Variants in ANKFN1 observed in about 807,000 individuals in gnomAD.
The protein encoded by ANKFN1 is ankyrin repeat and fibronectin type III domain containing 1, also known as ankyrin repeat and fibronectin type-III domain-containing protein 1.
ANKFN1 carries 74 observed loss-of-function variants against 108.7 expected under a neutral mutation model. The ratio of observed to expected loss-of-function variants is 0.68; its 90% confidence interval spans 0.56 to 0.83. The LOEUF (loss-of-function observed/expected upper bound fraction) is 0.83, where lower values mean the gene tolerates loss of function less well. Among genes scored for constraint, ANKFN1 ranks in the 40% least tolerant of loss-of-function variants. ANKFN1 has a pLI of 0.00. For synonymous variants in ANKFN1, 547 were observed against 516.2 expected (o/e 1.06, Z -0.81); for missense variants, 1,505 against 1,382.3 (o/e 1.09, Z -1.41).
chr17:56,343,119 A>G (rs2046003412), intron 4 of ANKFN1, among the ~76,000 whole-genome samples: 1 of 151,934 alleles, frequency 6.6e-6, no homozygotes, highest in South Asian at 2.1e-4. Context: ...TAGGATTGCA[A>G]ATTCTGCTTT....
chr17:56,289,948 A>G (rs925870406), intron 3 of ANKFN1, among the ~76,000 whole-genome samples: 20 of 152,238 alleles, frequency 1.3e-4, no homozygotes, highest in Non-Finnish European at 5.9e-5. Context: ...AAAGCAAGGC[A>G]GATATAGTTA....
At chr17:56,226,671 G>A (rs1916300091) in intron 2 of ANKFN1, among the ~76,000 whole-genome samples, 1 of 152,040 alleles carries the variant, frequency 6.6e-6, no homozygotes, top group African/African-American at 2.4e-5. Context: ...TCTTAATTTG[G>A]TTTTACAACT....
At chr17:56,060,555 G>A (rs1904955782) in intron 4 of ANKFN1, among the ~76,000 whole-genome samples, 1 of 151,706 alleles carries the variant, frequency 6.6e-6, no homozygotes, top group African/African-American at 2.4e-5. Flanking sequence ...TCATATGATA[G>A]TGGCTGTGGG....
At chr17:56,147,929 CCTT>C (rs1367478546) in intron 4 of ANKFN1, among the ~76,000 whole-genome samples, 2 of 152,180 alleles carry the variant, frequency 1.3e-5, no homozygotes, top group East Asian at 1.9e-4. Flanking sequence ...TCTGCTGGAT[CCTT>C]CTTCTCTGCC....
chr17:56,177,272 C>T (rs943382614), intron 1 of ANKFN1, among the ~76,000 whole-genome samples: 3 of 152,228 alleles, frequency 2.0e-5, no homozygotes, highest in Non-Finnish European at 2.9e-5. Context: ...TCACGGGGTC[C>T]ATGTTTAAGG....
chr17:56,086,224 T>C (rs757936673), intron 4 of ANKFN1, among the ~76,000 whole-genome samples: 1 of 150,692 alleles, frequency 6.6e-6, no homozygotes, highest in South Asian at 2.1e-4. Flanking sequence ...CTGGCCAACA[T>C]GGTGAAATCA....
At chr17:56,074,896 G>A (rs950892462) in intron 4 of ANKFN1, among the ~76,000 whole-genome samples, 1 of 152,174 alleles carries the variant, frequency 6.6e-6, no homozygotes, top group Non-Finnish European at 1.5e-5. Flanking sequence ...AGCCACAAAG[G>A]CTGTTTGTAA....
chr17:56,186,265 C>T (rs1912192959), intron 1 of ANKFN1, among the ~76,000 whole-genome samples: 1 of 151,634 alleles, frequency 6.6e-6, no homozygotes, highest in Non-Finnish European at 1.5e-5. Context: ...GCTTTTTAGT[C>T]ACCTGGGAGA....
In ANKFN1 at chr17:56,466,238, AAAAG is replaced by A. The variant is rs2050068630; in HGVS notation, c.1558-116_1558-113del. 4.1e-5 allele frequency: 39 copies of A among 948,066 alleles called. No individual in the cohort carries two copies. The East Asian group carries it at 9.2e-4, about 22-fold the overall frequency. The allele number at this position is 948,066 out of a possible 1,614,324, so 58.7% of individuals were successfully genotyped here. A position where few individuals can be genotyped will look rare whatever the true frequency, so the allele number is the denominator to read the frequency against. The stretch of plus-strand genomic sequence containing the variant: ...ATTCTAGGTTTAAGTGCAAAAAAAA[AAAAG>A]AGAGCAAACAGCTTCTCAGAAATCA... On this transcript the variant is annotated intron_variant, in intron 14 of 20. Coordinates refer to ENST00000682825, the MANE Select transcript of ANKFN1 (RefSeq NM_001370326.1).
chr17:56,433,534 A>G (rs7211043), intron 8 of ANKFN1, among the ~76,000 whole-genome samples: 114,338 of 151,954 alleles, frequency 0.75, 43,505 homozygotes, highest in East Asian at 0.95. Context: ...GCAGCAACCT[A>G]GATGAGATTG....
chr17:56,510,569 T>C lies in ANKFN1; in HGVS notation c.2741T>C (p.Leu914Pro). 1 of 1,536,026 alleles carries C rather than the reference T, an allele frequency of 6.5e-7. No homozygotes were observed. Among genetic ancestry groups the C allele is most frequent in the Non-Finnish European group, 8.7e-7 (1 of 1,146,738 alleles). Residue 914 changes from leucine to proline, a missense_variant, in exon 21 of 21, where the codon CTG (leucine) becomes CCG (proline). Physicochemically the swap from Leu to Pro is moderately conservative, Grantham distance 98. Coordinates refer to ENST00000682825, the MANE Select transcript of ANKFN1 (RefSeq NM_001370326.1). ...AGCGATGCCCTGAGCCCCAGAGACC[T>C]GGACCTGGTCTACCTATCATCTCAC... ...DSSDALSPRD[L>P]DLVYLSSHDI...
chr17:56,331,309 A>G (rs149373897), intron 4 of ANKFN1, among the ~76,000 whole-genome samples: 1 of 152,102 alleles, frequency 6.6e-6, no homozygotes, highest in Non-Finnish European at 1.5e-5. Flanking sequence ...AAATATTTCA[A>G]TCCCAGTCAG....
rs1361774507 is a variant in ANKFN1 at position 56,188,601 on chromosome 17, A to G, written c.-70-23997A>G. ...TGTGTGTATATATATATATATATAT[A>G]TATATATATATATATGAAATATCCA... On this transcript the variant is annotated intron_variant, in intron 1 of 20. Transcript: ENST00000682825. Among the ~76,000 whole-genome samples the G allele has an allele frequency of 6.2e-3, 820 of 133,086 alleles. 36 individuals are homozygous for G. The highest frequency in any genetic ancestry group is 0.022 in the African/African-American group (760 of 33,872). The allele number at this position is 133,086 out of a possible 152,430, so 87.3% of individuals were successfully genotyped here.
rs1193982160 is a variant in ANKFN1 at position 56,372,684 on chromosome 17, C to G, written c.640C>G (p.Leu214Val). ...AAGCCGAGCAATGCACCTCAACACA[C>G]TGGTCCAGGAAGCCCAGGAGAGGGT... is the stretch of plus-strand genomic sequence containing the variant. ...LESRAMHLNT[L>V]VQEAQERVSE... Residue 214 changes from leucine to valine, a missense_variant, in exon 7 of 21, where the codon CTG (leucine) becomes GTG (valine). Physicochemically the swap from Leu to Val is conservative, Grantham distance 32. Transcript: ENST00000682825. 2 of 1,613,770 alleles carry G rather than the reference C, an allele frequency of 1.2e-6. No homozygotes were observed.
At chr17:56,245,770 A>T (rs540265432) in intron 3 of ANKFN1, 2 of 152,298 alleles carry the variant, frequency 1.3e-5, no homozygotes, top group South Asian at 2.1e-4. Flanking sequence ...GAAACCAGAG[A>T]GTCCTACTTT....
intron 3 of ANKFN1, among the ~76,000 whole-genome samples, chr17:56,234,938 A>C (rs1316615114): frequency 6.6e-6 from 1 of 152,118 alleles, no homozygotes; most frequent in Admixed American, 6.6e-5. Flanking sequence ...ACTGCTTTCC[A>C]TAATGGTTGA....
intron 3 of ANKFN1, among the ~76,000 whole-genome samples, chr17:56,261,224 G>A (rs2043502561): frequency 6.6e-6 from 1 of 152,178 alleles, no homozygotes; most frequent in Non-Finnish European, 1.5e-5. Flanking sequence ...ACCAGATGCT[G>A]TTATTGAGAA....
chr17:56,438,943 G>A (rs2049011485), intron 8 of ANKFN1, among the ~76,000 whole-genome samples: 1 of 152,174 alleles, frequency 6.6e-6, no homozygotes, highest in Admixed American at 6.5e-5. Context: ...GACGAGTCTA[G>A]AAAGAGGCAG....
intron 3 of ANKFN1, among the ~76,000 whole-genome samples, chr17:56,290,083 T>C (rs1344542801): frequency 6.6e-6 from 1 of 152,136 alleles, no homozygotes; most frequent in African/African-American, 2.4e-5. Flanking sequence ...AGTATTTTAC[T>C]TTCTCTTCCT....
Sources: gnomAD v4.1 joint callset for allele counts (sites outside exome capture counted in the v4.1 genomes callset) on GRCh38, gnomAD v4.1.1 for gene constraint, MANE v1.5 for transcripts, NCBI Gene and HGNC (gene_info 2026-07-23, HGNC 2026-07-21) for gene names.